The following MRC1 variants were observed in gnomAD, a reference collection of about 807,000 sequenced individuals.
The protein encoded by MRC1 is mannose receptor C-type 1.
In MRC1, 62 loss-of-function variants were observed where a neutral mutation model predicts 102.9. That is an observed-to-expected ratio of 0.60 (90% CI 0.49 to 0.74). MRC1 has a LOEUF of 0.74. Among genes scored for constraint, MRC1 ranks in the 30% least tolerant of loss-of-function variants. The pLI, the probability that MRC1 is intolerant of heterozygous loss-of-function variation, is 0.00. For missense variants in MRC1, 1,237 were observed against 862.8 expected (o/e 1.43, Z -5.43); for synonymous variants, 457 against 298.4 (o/e 1.53, Z -5.48).
chr10:17,904,557 C>A (rs1008713525), intron 26 of MRC1, among the ~76,000 whole-genome samples: 1 of 152,112 alleles, frequency 6.6e-6, no homozygotes, highest in Non-Finnish European at 1.5e-5. Flanking sequence ...GTAGTTTTAT[C>A]GTGATGTGTA....
At chr10:17,894,110 A>G in intron 22 of MRC1, 100 bp from the exon 23 acceptor site, 1 of 806,022 alleles carries the variant, frequency 1.2e-6, no homozygotes, top group Non-Finnish European at 2.2e-6. Context: ...TAAAATTTGG[A>G]AATCAGGGAT....
intron 1 of MRC1, among the ~76,000 whole-genome samples, chr10:17,822,413 C>T (rs1838409383): frequency 6.6e-6 from 1 of 152,126 alleles, no homozygotes; most frequent in Non-Finnish European, 1.5e-5. Context: ...TGCTTGAAGC[C>T]AGGAGTTCAA....
rs1048864374 is a variant in MRC1, at chr10:17,860,094, G to T, written c.1519-1293G>T. 2.4e-4 allele frequency among the ~76,000 whole-genome samples: 36 copies of T among 152,094 alleles called. 1 individual carries two copies. The highest frequency in any genetic ancestry group is 8.5e-4 in the African/African-American group (35 of 41,402). ...ATTCTGTATGGACATTAATACCACA[G>T]CCTTTAGGATCTTAATCTAGGATCT... is the stretch of plus-strand genomic sequence containing the variant. On this transcript the variant is annotated intron_variant, in intron 9 of 29. Transcript: ENST00000569591.
intron 12 of MRC1, among the ~76,000 whole-genome samples, chr10:17,868,805 A>G (rs1195394140): frequency 2.0e-5 from 3 of 152,228 alleles, no homozygotes; most frequent in Non-Finnish European, 4.4e-5. Context: ...GAAGTCTTCA[A>G]TCCAGATTGG....
At chr10:17,842,208 C>G (rs1180071149) in intron 5 of MRC1, among the ~76,000 whole-genome samples, 1 of 152,198 alleles carries the variant, frequency 6.6e-6, no homozygotes, top group Non-Finnish European at 1.5e-5. Context: ...AGTGATGTGG[C>G]CTGCCTCAAC....
intron 11 of MRC1, among the ~76,000 whole-genome samples, chr10:17,863,929 A>G (rs1177632983): frequency 6.6e-6 from 1 of 151,936 alleles, no homozygotes; most frequent in Non-Finnish European, 1.5e-5. Flanking sequence ...TTGCTGGGTT[A>G]TCTGGTCCTG....
intron 11 of MRC1, among the ~76,000 whole-genome samples, chr10:17,864,159 C>T (rs782403998): frequency 0.11 from 17,415 of 151,926 alleles, 1,182 homozygotes; most frequent in Non-Finnish European, 0.16. Context: ...TGTACCAGCA[C>T]GCCTGGTTAA....
Position 17,903,392 on chromosome 10 carries a change from C to CTTTTTTTTTTTTTT in MRC1, c.3799+1278_3799+1291dup, listed in dbSNP as rs35118275. Among the ~76,000 whole-genome samples the CTTTTTTTTTTTTTT allele has an allele frequency of 1.4e-3, 121 of 88,848 alleles. 1 individual carries two copies. The highest frequency in any genetic ancestry group is 1.7e-3 in the Non-Finnish European group (79 of 45,208). The allele number at this position is 88,848 out of a possible 152,430, so 58.3% of individuals were successfully genotyped here. A position where few individuals can be genotyped will look rare whatever the true frequency, so the allele number is the denominator to read the frequency against. The stretch of plus-strand genomic sequence containing the variant: ...TTTTCTTTTTCTTTTCTTTTTTTTT[C>CTTTTTTTTTTTTTT]TTTTTTTTTTTTTTTTTTTTTGAGA... On this transcript the variant is annotated intron_variant, in intron 26 of 29. Transcript: ENST00000569591.
chr10:17,856,117 C>T, intron 8 of MRC1, 125 bp from the exon 9 acceptor site: 1 of 696,392 alleles, frequency 1.4e-6, no homozygotes, highest in East Asian at 2.7e-5. Context: ...TTGCCATGAG[C>T]CAAGATCGCG....
chr10:17,885,294 C>T lies in MRC1; in HGVS notation c.3006C>T (p.Asp1002=), dbSNP rs1339795058. 2.6e-6 allele frequency: 2 copies of T among 780,884 alleles called. No individual in the cohort carries two copies. The highest frequency in any genetic ancestry group is 4.8e-5 in the East Asian group (2 of 41,254). The allele number at this position is 780,884 out of a possible 1,614,324, so 48.4% of individuals were successfully genotyped here. ...EQAFLTYHMK[D]STFSAWTGLN... ...CATTTCTTACCTATCACATGAAGGACTCCACTTTCAGTGCCTGGACTGGGC... is the reference window on the plus strand; with the variant it reads ...CATTTCTTACCTATCACATGAAGGATTCCACTTTCAGTGCCTGGACTGGGC... The change falls in exon 22 of 30, where the codon GAC becomes GAT. Residue 1002 remains aspartate (D), a synonymous_variant. Transcript: ENST00000569591.
chr10:17,910,101 A>T lies in MRC1; in HGVS notation c.4121-114A>T, dbSNP rs1352962242. The T allele has an allele frequency of 1.1e-5, 8 of 755,524 alleles. No individual in the cohort carries two copies. In the East Asian group the frequency reaches 1.9e-4, roughly 18 times the overall value. 46.8% of individuals were successfully genotyped at this position (755,524 alleles called of 1,614,324 possible). A position where few individuals can be genotyped will look rare whatever the true frequency, so the allele number is the denominator to read the frequency against. ...CACATCTTTCTTTTCTGTTTGACAA[A>T]TGTCGCTTGAAAGAATATTTATGCC... On this transcript the variant is annotated intron_variant, in intron 29 of 29. Coordinates refer to ENST00000569591, the MANE Select transcript of MRC1 (RefSeq NM_002438.4).
chr10:17,894,164 C>G, intron 22 of MRC1, 46 bp from the exon 23 acceptor site: 2 of 866,256 alleles, frequency 2.3e-6, no homozygotes, highest in South Asian at 2.6e-5. Context: ...TTTCAATAGT[C>G]GTTGATTCAT....
At chr10:17,903,382 C>CTTTT (rs1210207060) in intron 26 of MRC1, among the ~76,000 whole-genome samples, 4 of 125,042 alleles carry the variant, frequency 3.2e-5, no homozygotes, top group African/African-American at 8.9e-5. Context: ...TTTTTCTTTT[C>CTTTT]TTTTTTTTTC....
intron 3 of MRC1, among the ~76,000 whole-genome samples, chr10:17,832,511 C>T (rs1838590819): frequency 6.7e-6 from 1 of 149,160 alleles, no homozygotes; most frequent in Admixed American, 6.6e-5. Flanking sequence ...GCCGAGATTG[C>T]ACCACTGCAC....
rs1833927300 is a variant in MRC1, at chr10:17,908,592, CAG to C, written c.4079-711_4079-710del. On this transcript the variant is annotated intron_variant, in intron 28 of 29. Coordinates refer to ENST00000569591, the MANE Select transcript of MRC1 (RefSeq NM_002438.4). Reference sequence around the variant, plus strand: ...TTTTGTTTTGTTTTTGTTTTTGAGACAGAGTCTCACTCTGTTGCCCACTCTGT... The same window carrying C: ...TTTTGTTTTGTTTTTGTTTTTGAGACAGTCTCACTCTGTTGCCCACTCTGT... Among the ~76,000 whole-genome samples, 5 of 151,978 alleles carry C rather than the reference CAG, an allele frequency of 3.3e-5. 1 individual carries two copies. In the South Asian group the frequency reaches 1.0e-3, roughly 32 times the overall value.
intron 28 of MRC1, among the ~76,000 whole-genome samples, chr10:17,908,494 G>A (rs1227567654): frequency 6.6e-6 from 1 of 151,712 alleles, no homozygotes. Flanking sequence ...AGAATTTGGC[G>A]GGTCTTTAGG....
At chr10:17,826,847 G>A (rs1838483298) in intron 2 of MRC1, among the ~76,000 whole-genome samples, 2 of 152,320 alleles carry the variant, frequency 1.3e-5, no homozygotes, top group South Asian at 2.1e-4. Flanking sequence ...ACAGTTTTGA[G>A]TGGTTTCTTT....
At chr10:17,896,584 A>G (rs1288948909) in intron 23 of MRC1, among the ~76,000 whole-genome samples, 1 of 152,226 alleles carries the variant, frequency 6.6e-6, no homozygotes, top group Non-Finnish European at 1.5e-5. Flanking sequence ...TAATGACTTA[A>G]GGAAAGATTC....
At chr10:17,826,894 A>G (rs868914677) in intron 2 of MRC1, among the ~76,000 whole-genome samples, 11 of 152,322 alleles carry the variant, frequency 7.2e-5, no homozygotes, top group Middle Eastern at 6.8e-3. Flanking sequence ...CAAAATGTCT[A>G]TCCTTCCTTA....
Sources: allele counts gnomAD v4.1 joint callset (sites outside exome capture counted in the v4.1 genomes callset), GRCh38; gene constraint gnomAD v4.1.1; transcripts MANE v1.5; gene names NCBI Gene and HGNC (gene_info 2026-07-23, HGNC 2026-07-21).